Variants in STXBP2 observed in about 807,000 individuals in gnomAD.
STXBP2 encodes syntaxin-binding protein 2.
Under a neutral mutation model 72.2 loss-of-function variants are expected in STXBP2, and 47 were observed. The ratio of observed to expected loss-of-function variants is 0.65; its 90% confidence interval spans 0.51 to 0.83. The LOEUF (loss-of-function observed/expected upper bound fraction) is 0.83, where lower values mean the gene tolerates loss of function less well. Ranked by LOEUF, STXBP2 falls within the 40% of genes least tolerant of loss-of-function variation. STXBP2 has a pLI of 0.00. For missense variants in STXBP2, 702 were observed against 807.6 expected (o/e 0.87, Z 1.58); for synonymous variants, 367 against 338.7 (o/e 1.08, Z -0.92).
At chr19:7,630,538 G>A in the STXBP2 span, 1 of 1,484,384 alleles carries the variant, frequency 6.7e-7, no homozygotes, top group Non-Finnish European at 9.1e-7. Context: ...CATTGCTTGG[G>A]GGGAGCTCAC....
In STXBP2 at chr19:7,639,715, CCT is replaced by C. The variant is rs774166130; in HGVS notation, c.170-13_170-12del. 16 of 1,611,926 alleles carry C rather than the reference CCT, an allele frequency of 9.9e-6. No individual in the cohort carries two copies. The highest frequency in any genetic ancestry group is 1.4e-5 in the Non-Finnish European group (16 of 1,179,516). Reference sequence around the variant, plus strand: ...TGGATGCCACCCACCTGTGTCCCTTCCTCTGTTCCTACTAGTTGTTGAAGACA... The same window carrying C: ...TGGATGCCACCCACCTGTGTCCCTTCCTGTTCCTACTAGTTGTTGAAGACA... On this transcript the variant is annotated splice_polypyrimidine_tract_variant and intron_variant, in intron 3 of 18. Transcript: ENST00000221283.
the STXBP2 span, chr19:7,631,447 T>C: frequency 6.6e-7 from 1 of 1,522,236 alleles, no homozygotes; most frequent in Non-Finnish European, 8.8e-7. Flanking sequence ...CCCCCCTTCC[T>C]GTCCCACCCG....
intron 3 of STXBP2, chr19:7,639,501 C>G (rs370379030): frequency 1.7e-6 from 1 of 604,320 alleles, no homozygotes. Context: ...CCTGTCCTCT[C>G]AGAACCTCAG....
the STXBP2 span, chr19:7,630,036 G>A: frequency 1.1e-5 from 9 of 801,868 alleles, no homozygotes; most frequent in Non-Finnish European, 1.7e-5. Context: ...GGGCTGGGGG[G>A]GTTCTCGGAT....
the STXBP2 span, chr19:7,631,187 CA>C: frequency 7.7e-7 from 1 of 1,291,292 alleles, no homozygotes; most frequent in Admixed American, 3.1e-5. Context: ...CCAGCCTGGG[CA>C]ATAGAGTGAG....
chr19:7,629,886 G>A, the STXBP2 span: 916 of 1,518,708 alleles, frequency 6.0e-4, 2 homozygotes, highest in Non-Finnish European at 7.8e-4. Context: ...AGTGGGTTGG[G>A]AGGCTGGGCA....
At chr19:7,646,502 G>C in intron 16 of STXBP2, 158 bp downstream of exon 16, 1 of 752,232 alleles carries the variant, frequency 1.3e-6, no homozygotes, top group Non-Finnish European at 2.3e-6. Flanking sequence ...GGCACGCCAA[G>C]CCCGCAGCTG....
chr19:7,643,299 T>G, intron 13 of STXBP2, 54 bp downstream of exon 13: 5 of 1,345,806 alleles, frequency 3.7e-6, no homozygotes, highest in East Asian at 2.4e-5. Flanking sequence ...GGCGGGGTAT[T>G]GGGGAGGGGC....
intron 4 of STXBP2, 174 bp downstream of exon 4, chr19:7,639,981 T>C (rs762919439): frequency 1.1e-4 from 86 of 763,320 alleles, no homozygotes; most frequent in Admixed American, 5.2e-4. Context: ...TGCATGTGTG[T>C]GCGTGTTTGC....
At chr19:7,644,049 T>G in intron 13 of STXBP2, among the ~76,000 whole-genome samples, 1 of 147,166 alleles carries the variant, frequency 6.8e-6, no homozygotes, top group South Asian at 2.2e-4. Flanking sequence ...GGGTGGAGCC[T>G]TGGAGAGGTG....
chr19:7,647,844 G>A lies in STXBP2; in HGVS notation c.*34G>A, dbSNP rs753089870. 2 of 1,562,086 alleles carry A rather than the reference G, an allele frequency of 1.3e-6. No individual in the cohort carries two copies. Among genetic ancestry groups the A allele is most frequent in the East Asian group, 4.6e-5 (2 of 43,098 alleles). ...CCCGCCCCCTACCCCTCCCTTTCCAGAGAAATAAACTCTTCCCGTCGCTCT... is the reference window on the plus strand; with the variant it reads ...CCCGCCCCCTACCCCTCCCTTTCCAAAGAAATAAACTCTTCCCGTCGCTCT... On this transcript the variant is annotated 3_prime_UTR_variant, in exon 19 of 19. Transcript: ENST00000221283.
At chr19:7,636,434 A>G (rs561925615), upstream of STXBP2, 1 of 152,150 alleles carries the variant, frequency 6.6e-6, no homozygotes, top group South Asian at 2.1e-4. Context: ...TGTTAATTCG[A>G]TTGTTGGTCC....
chr19:7,633,971 G>C (rs3745361), upstream of STXBP2: 44,523 of 152,870 alleles, frequency 0.29, 7,169 homozygotes, highest in Non-Finnish European at 0.37. Context: ...AGACACCACC[G>C]GCCACCCTAG....
At chr19:7,647,652 C>T in intron 18 of STXBP2, 73 bp from the exon 19 acceptor site, 1 of 1,601,168 alleles carries the variant, frequency 6.2e-7, no homozygotes, top group Non-Finnish European at 8.6e-7. Flanking sequence ...CCCACACCAG[C>T]CGGGACCGGG....
At chr19:7,646,860 C>T (rs2032157231) in intron 16 of STXBP2, 1 of 527,058 alleles carries the variant, frequency 1.9e-6, no homozygotes, top group Non-Finnish European at 3.4e-6. Flanking sequence ...GGGGTATTGA[C>T]TGATGGTCCC....
upstream of STXBP2, chr19:7,636,906 G>A: frequency 2.6e-6 from 1 of 392,024 alleles, no homozygotes. Context: ...ACTCCCATCT[G>A]TGAGCGTGTC....
At chr19:7,631,410 G>T in the STXBP2 span, 2 of 821,204 alleles carry the variant, frequency 2.4e-6, no homozygotes, top group Non-Finnish European at 3.6e-6. Context: ...GGGGGGGGGT[G>T]GTCCCGGCTC....
chr19:7,645,825 A>G (rs2032111052), intron 15 of STXBP2: 3 of 257,046 alleles, frequency 1.2e-5, no homozygotes, highest in African/African-American at 7.8e-5. Flanking sequence ...CTGTTTCTCC[A>G]TATCTCTCTC....
chr19:7,632,502 G>A (rs377521499), upstream of STXBP2: 4 of 1,613,348 alleles, frequency 2.5e-6, no homozygotes, highest in African/African-American at 5.3e-5. The surrounding 1 kb of genome is among the most constrained non-coding windows in gnomAD (Gnocchi z 5.2). Flanking sequence ...GTCCATCTCG[G>A]GGGTGGGGTC....
Sources: allele counts gnomAD v4.1 joint callset (sites outside exome capture counted in the v4.1 genomes callset), GRCh38; gene constraint gnomAD v4.1.1; non-coding constraint Gnocchi (gnomAD v3.1); transcripts MANE v1.5; gene names NCBI Gene and HGNC (gene_info 2026-07-23, HGNC 2026-07-21).